PPP2R3A: variants seen among roughly 807,000 people sequenced by gnomAD.
The protein encoded by PPP2R3A is protein phosphatase 2 regulatory subunit B''alpha.
In PPP2R3A, 80 loss-of-function variants were observed where a neutral mutation model predicts 106.9. That is an observed-to-expected ratio of 0.75 (90% confidence interval 0.62 to 0.90). The LOEUF is 0.90. Among genes scored for constraint, PPP2R3A ranks in the 40% least tolerant of loss-of-function variants. The pLI, the probability that PPP2R3A is intolerant of heterozygous loss-of-function variation, is 0.00. For missense variants in PPP2R3A, 1,386 were observed against 1,350.4 expected (o/e 1.03, Z -0.41); for synonymous variants, 483 against 468.3 (o/e 1.03, Z -0.41).
At chr3:136,055,927 G>A (rs1935845529) in intron 5 of PPP2R3A, among the ~76,000 whole-genome samples, 1 of 152,222 alleles carries the variant, frequency 6.6e-6, no homozygotes, top group African/African-American at 2.4e-5. Context: ...ATTTCAGGGT[G>A]TGGGGAGTAA....
chr3:136,146,548 GGTACA>G lies in PPP2R3A; in HGVS notation c.*1390_*1394del, dbSNP rs1421998218. 6.6e-6 allele frequency: 1 copy of G among 152,018 alleles called. No homozygotes were observed. The highest frequency in any genetic ancestry group is 2.4e-5 in the African/African-American group (1 of 41,348). 9.4% of individuals were successfully genotyped at this position (152,018 alleles called of 1,614,324 possible). ...TAGGAAATAAATATGCTATAAACAAGGTACAGTACAGTGAGAGTTAACAATCCTAG... is the reference window on the plus strand; with the variant it reads ...TAGGAAATAAATATGCTATAAACAAGGTACAGTGAGAGTTAACAATCCTAG... On this transcript the variant is annotated 3_prime_UTR_variant, in exon 14 of 14. Transcript: ENST00000264977.
chr3:136,029,927 C>G (rs1301229638), intron 3 of PPP2R3A, among the ~76,000 whole-genome samples: 1 of 152,122 alleles, frequency 6.6e-6, no homozygotes, highest in African/African-American at 2.4e-5. Flanking sequence ...AATGAGGATG[C>G]GTGGCCAGGC....
intron 1 of PPP2R3A, among the ~76,000 whole-genome samples, chr3:135,981,888 T>C (rs1445409159): frequency 6.6e-6 from 1 of 151,566 alleles, no homozygotes; most frequent in Non-Finnish European, 1.5e-5. Context: ...TTAAAGGCCA[T>C]GGGAGAGGAG....
At chr3:135,998,618 T>G (rs1234515400) in intron 1 of PPP2R3A, among the ~76,000 whole-genome samples, 1 of 152,176 alleles carries the variant, frequency 6.6e-6, no homozygotes, top group East Asian at 1.9e-4. Context: ...TGACTCAACA[T>G]TTTACTGTGT....
intron 3 of PPP2R3A, among the ~76,000 whole-genome samples, chr3:136,031,843 A>G (rs1382105825): frequency 6.6e-6 from 1 of 152,126 alleles, no homozygotes; most frequent in Non-Finnish European, 1.5e-5. Context: ...TGTGTTCTCT[A>G]TTCTGTTCCA....
At chr3:135,990,316 T>G (rs1477984465) in intron 1 of PPP2R3A, among the ~76,000 whole-genome samples, 1 of 152,134 alleles carries the variant, frequency 6.6e-6, no homozygotes, top group East Asian at 1.9e-4. Flanking sequence ...TGTATCAAAA[T>G]GAACTTGTCA....
chr3:136,131,824 A>G (rs1938432915), intron 13 of PPP2R3A, among the ~76,000 whole-genome samples: 1 of 152,222 alleles, frequency 6.6e-6, no homozygotes, highest in South Asian at 2.1e-4. Flanking sequence ...ATGGAATACT[A>G]TGCAGCCATA....
intron 2 of PPP2R3A, among the ~76,000 whole-genome samples, chr3:136,005,638 T>G (rs970141186): frequency 6.6e-6 from 1 of 152,096 alleles, no homozygotes; most frequent in Non-Finnish European, 1.5e-5. Context: ...TGGTTTTTTT[T>G]CCCACATGAC....
intron 5 of PPP2R3A, among the ~76,000 whole-genome samples, chr3:136,049,590 GC>G (rs150630224): frequency 1.4e-5 from 2 of 147,016 alleles, no homozygotes; most frequent in African/African-American, 5.1e-5. Context: ...TAGTAAAAGA[GC>G]TACTCCTTCA....
intron 3 of PPP2R3A, among the ~76,000 whole-genome samples, chr3:136,030,774 A>ATG (rs1553745390): frequency 8.9e-5 from 11 of 124,132 alleles, no homozygotes; most frequent in African/African-American, 2.9e-4. Flanking sequence ...ATATATATAT[A>ATG]TATATATGTA....
intron 3 of PPP2R3A, among the ~76,000 whole-genome samples, chr3:136,035,023 A>T (rs1935038261): frequency 6.6e-6 from 1 of 152,134 alleles, no homozygotes; most frequent in Non-Finnish European, 1.5e-5. Flanking sequence ...TTTGTCTGAT[A>T]TAAGAATAGC....
chr3:136,094,069 G>A (rs1373581145), intron 10 of PPP2R3A, among the ~76,000 whole-genome samples: 2 of 152,106 alleles, frequency 1.3e-5, no homozygotes, highest in Non-Finnish European at 2.9e-5. Context: ...TACTACACAC[G>A]ACTGGATCTT....
At position 136,140,825 on chromosome 3, in the gene PPP2R3A, G is replaced by A. The variant is rs957797475; in HGVS notation, c.3330-4218G>A. On this transcript the variant is annotated intron_variant, in intron 13 of 13. Coordinates refer to ENST00000264977, the MANE Select transcript of PPP2R3A (RefSeq NM_002718.5). The stretch of plus-strand genomic sequence containing the variant: ...CTCAGGAGGCTGAGGCAGGATAATT[G>A]CTTGAACCTGGGAGGCGGAGGGTGC... Among the ~76,000 whole-genome samples the A allele has an allele frequency of 3.3e-5, 5 of 152,016 alleles. No individual in the cohort carries two copies. In the South Asian group the frequency reaches 6.2e-4, roughly 19 times the overall value.
intron 13 of PPP2R3A, 65 bp from the exon 14 acceptor site, chr3:136,144,978 A>C: frequency 6.4e-7 from 1 of 1,553,108 alleles, no homozygotes; most frequent in South Asian, 1.2e-5. Flanking sequence ...CGGATTTGCC[A>C]TATTGATTTC....
intron 2 of PPP2R3A, among the ~76,000 whole-genome samples, chr3:136,008,507 C>G (rs1933925504): frequency 6.6e-6 from 1 of 152,158 alleles, no homozygotes. Context: ...TACCTGCATT[C>G]TTTCTGATTA....
intron 5 of PPP2R3A, among the ~76,000 whole-genome samples, chr3:136,069,604 T>A (rs1434874109): frequency 6.6e-6 from 1 of 152,146 alleles, no homozygotes; most frequent in Non-Finnish European, 1.5e-5. Context: ...GTAATATGTA[T>A]AATAATAAGC....
chr3:135,993,351 C>T (rs1021243089), intron 1 of PPP2R3A, among the ~76,000 whole-genome samples: 28 of 152,082 alleles, frequency 1.8e-4, no homozygotes, highest in Non-Finnish European at 3.4e-4. Context: ...AAATTAAAGC[C>T]ACAGTGGGAT....
intron 13 of PPP2R3A, among the ~76,000 whole-genome samples, chr3:136,125,639 G>C (rs1938151599): frequency 6.6e-6 from 1 of 152,006 alleles, no homozygotes; most frequent in South Asian, 2.1e-4. Context: ...TTGAGCCCAG[G>C]AGTTTGAGAC....
chr3:136,087,753 C>T (rs188222057), intron 8 of PPP2R3A, 130 bp from the exon 9 acceptor site: 17 of 560,394 alleles, frequency 3.0e-5, no homozygotes, highest in South Asian at 5.7e-5. Flanking sequence ...TAAAAATGTA[C>T]TCACATTCTC....
Sources: allele counts gnomAD v4.1 joint callset (sites outside exome capture counted in the v4.1 genomes callset), GRCh38; gene constraint gnomAD v4.1.1; transcripts MANE v1.5; gene names NCBI Gene and HGNC (gene_info 2026-07-23, HGNC 2026-07-21).